HSPA4: variants seen among roughly 807,000 people sequenced by gnomAD.
The protein encoded by HSPA4 is heat shock protein family A (Hsp70) member 4, also known as heat shock 70 kDa protein 4.
Under a neutral mutation model 106.2 loss-of-function variants are expected in HSPA4, and 25 were observed. The ratio of observed to expected loss-of-function variants is 0.24; its 90% CI spans 0.17 to 0.33. HSPA4 has a LOEUF of 0.33. Among genes scored for constraint, HSPA4 ranks in the 10% least tolerant of loss-of-function variants. The probability of loss-of-function intolerance (pLI) is 1.00; values close to 1 mark genes in which losing one functional copy is unlikely to be tolerated. For synonymous variants in HSPA4, 332 were observed against 333.6 expected (o/e 1.00, Z 0.05); for missense variants, 841 against 996.0 (o/e 0.84, Z 2.10).
chr5:133,062,039 C>T (rs1307183144), intron 1 of HSPA4, among the ~76,000 whole-genome samples: 1 of 152,116 alleles, frequency 6.6e-6, no homozygotes, highest in African/African-American at 2.4e-5. Flanking sequence ...TTTCAGACGT[C>T]AAAAGTGACA....
At chr5:133,084,062 C>G (rs1765548766) in intron 7 of HSPA4, among the ~76,000 whole-genome samples, 2 of 152,094 alleles carry the variant, frequency 1.3e-5, no homozygotes, top group African/African-American at 4.8e-5. Context: ...TAACTAATGC[C>G]ATTATTATGA....
chr5:133,088,940 A>G, intron 9 of HSPA4, 115 bp from the exon 10 acceptor site: 1 of 542,432 alleles, frequency 1.8e-6, no homozygotes, highest in Non-Finnish European at 3.2e-6. Context: ...AATTACTAAT[A>G]TAAATATTTT....
chr5:133,085,234 A>C (rs73270386), intron 7 of HSPA4, among the ~76,000 whole-genome samples: 3,442 of 152,058 alleles, frequency 0.023, 132 homozygotes, highest in African/African-American at 0.075. Flanking sequence ...ACCCTAAATG[A>C]GTGAGTAATC....
At chr5:133,097,010 A>G (rs181850188) in intron 14 of HSPA4, 151 bp from the exon 15 acceptor site, 12 of 483,018 alleles carry the variant, frequency 2.5e-5, no homozygotes, top group African/African-American at 1.9e-4. Context: ...AAAGTCTGTC[A>G]AGGATTAGTC....
intron 3 of HSPA4, among the ~76,000 whole-genome samples, chr5:133,069,272 G>C (rs1036758507): frequency 1.3e-5 from 2 of 148,346 alleles, no homozygotes; most frequent in African/African-American, 5.0e-5. Context: ...TTTTTTTTGA[G>C]ACAATATCAC....
At chr5:133,073,393 C>A (rs1473732743) in intron 5 of HSPA4, 64 bp downstream of exon 5, 6 of 1,115,838 alleles carry the variant, frequency 5.4e-6, no homozygotes, top group Admixed American at 3.9e-5. Context: ...AATTTTAAAA[C>A]CCTGGGGTTT....
chr5:133,053,594 C>G (rs1419822512), intron 1 of HSPA4, among the ~76,000 whole-genome samples: 2 of 152,134 alleles, frequency 1.3e-5, no homozygotes, highest in Non-Finnish European at 2.9e-5. Flanking sequence ...AAGCAGTCCT[C>G]CAGCCTCGGC....
At chr5:133,070,032 T>G (rs977251808) in intron 3 of HSPA4, among the ~76,000 whole-genome samples, 31 of 151,982 alleles carry the variant, frequency 2.0e-4, no homozygotes, top group Non-Finnish European at 1.3e-4. Context: ...CTAGGTATGG[T>G]GACATGTGCT....
intron 7 of HSPA4, among the ~76,000 whole-genome samples, chr5:133,084,478 C>CT (rs1461240528): frequency 3.3e-5 from 5 of 151,264 alleles, no homozygotes; most frequent in Admixed American, 6.6e-5. Context: ...CTTTACTATT[C>CT]TTTTTTTTTG....
chr5:133,094,850 A>G (rs1213986510), intron 13 of HSPA4, among the ~76,000 whole-genome samples: 4 of 152,222 alleles, frequency 2.6e-5, no homozygotes, highest in African/African-American at 9.6e-5. Flanking sequence ...GAACAAATTG[A>G]ATTCCAGATG....
intron 1 of HSPA4, among the ~76,000 whole-genome samples, chr5:133,058,023 G>A (rs1050208349): frequency 2.0e-5 from 3 of 152,226 alleles, no homozygotes; most frequent in African/African-American, 7.2e-5. Context: ...AAAGGCTGGA[G>A]TGAGACTTGA....
At chr5:133,100,284 GTCTTGAACTCCTGACT>G (rs1765768298) in intron 16 of HSPA4, among the ~76,000 whole-genome samples, 1 of 151,988 alleles carries the variant, frequency 6.6e-6, no homozygotes, top group Non-Finnish European at 1.5e-5. Context: ...GGCCAGGCTG[GTCTTGAACTCCTGACT>G]TCAAGTGATC....
intron 12 of HSPA4, 142 bp from the exon 13 acceptor site, chr5:133,092,558 T>TGTG: frequency 1.5e-6 from 1 of 656,078 alleles, no homozygotes; most frequent in East Asian, 2.7e-5. Context: ...TCCTAGGTAA[T>TGTG]GTGGCCTACC....
rs137911219 is a variant in HSPA4, at chr5:133,105,495, G to A, written c.*1059G>A. ...TTAGTGTTAAAGAAGTGTGGTGCCT[G>A]ATGTTATAACAACACCTCATTCTTA... On this transcript the variant is annotated 3_prime_UTR_variant, in exon 19 of 19. Transcript: ENST00000304858. 6.0e-4 allele frequency: 92 copies of A among 152,324 alleles called. No individual in the cohort carries two copies. Among genetic ancestry groups the A allele is most frequent in the African/African-American group, 2.1e-3 (86 of 41,560 alleles). 9.4% of individuals were successfully genotyped at this position (152,324 alleles called of 1,614,324 possible).
intron 7 of HSPA4, among the ~76,000 whole-genome samples, chr5:133,082,720 C>T (rs1765527719): frequency 6.6e-6 from 1 of 152,150 alleles, no homozygotes; most frequent in Non-Finnish European, 1.5e-5. Context: ...CTCAGACTCC[C>T]AAAGTCCTAG....
chr5:133,090,182 C>G lies in HSPA4; in HGVS notation c.1378+487C>G, dbSNP rs78460929. On this transcript the variant is annotated intron_variant, in intron 11 of 18. Coordinates refer to ENST00000304858, the MANE Select transcript of HSPA4 (RefSeq NM_002154.4). Reference sequence around the variant, plus strand: ...AGGTGCGGTGGCTCACGCCTGTAATCCCAGCACTTTGGGAGGCCAAGGCGG... The same window carrying G: ...AGGTGCGGTGGCTCACGCCTGTAATGCCAGCACTTTGGGAGGCCAAGGCGG... Among the ~76,000 whole-genome samples, 2,165 of 152,032 alleles carry G rather than the reference C, an allele frequency of 0.014. 254 individuals are homozygous for G. In the East Asian group the frequency reaches 0.3, roughly 21 times the overall value.
intron 17 of HSPA4, among the ~76,000 whole-genome samples, chr5:133,102,218 A>C (rs1765794541): frequency 1.3e-5 from 2 of 152,244 alleles, no homozygotes; most frequent in Admixed American, 1.3e-4. Flanking sequence ...GGCGTGAGCC[A>C]CTGCTCCCGG....
At chr5:133,072,568 T>A (rs1765397755) in intron 4 of HSPA4, among the ~76,000 whole-genome samples, 1 of 151,172 alleles carries the variant, frequency 6.6e-6, no homozygotes, top group South Asian at 2.1e-4. Context: ...GTTTATTTTT[T>A]TTTTTTTTTT....
At position 133,053,328 on chromosome 5, in the gene HSPA4, C is replaced by CTTTTTTTTTT. The variant is rs58722769; in HGVS notation, c.107+981_107+990dup. Among the ~76,000 whole-genome samples, 119 of 129,228 alleles carry CTTTTTTTTTT rather than the reference C, an allele frequency of 9.2e-4. 1 individual carries two copies. The highest frequency in any genetic ancestry group is 1.3e-3 in the Non-Finnish European group (80 of 62,658). 84.8% of individuals were successfully genotyped at this position (129,228 alleles called of 152,430 possible). On this transcript the variant is annotated intron_variant, in intron 1 of 18. Coordinates refer to ENST00000304858, the MANE Select transcript of HSPA4 (RefSeq NM_002154.4). ...TTATTTGCCATTCAGGGTCTCTCTT[C>CTTTTTTTTTT]TTTTTTTTTTTTTTTTTTTCTTTTT...
Sources: gnomAD v4.1 joint callset for allele counts (sites outside exome capture counted in the v4.1 genomes callset) on GRCh38, gnomAD v4.1.1 for gene constraint, MANE v1.5 for transcripts, NCBI Gene and HGNC (gene_info 2026-07-23, HGNC 2026-07-21) for gene names.